Variants in TECPR1 observed in about 807,000 individuals in gnomAD.
The protein encoded by TECPR1 is tectonin beta-propeller repeat-containing protein 1.
TECPR1 carries 122 observed loss-of-function variants against 162.4 expected under a neutral mutation model. The observed-to-expected ratio is 0.75, with a 90% CI of 0.65 to 0.87. The LOEUF is 0.87. TECPR1 is among the 40% of genes least tolerant of loss of function. TECPR1 has a pLI of 0.00. For synonymous variants in TECPR1, 642 were observed against 670.6 expected (o/e 0.96, Z 0.66); for missense variants, 1,432 against 1,618.2 (o/e 0.88, Z 1.97).
chr7:98,231,743 C>T (rs1261203686), intron 13 of TECPR1, 61 bp downstream of exon 13: 1 of 1,575,636 alleles, frequency 6.3e-7, no homozygotes, highest in African/African-American at 1.4e-5. Flanking sequence ...TGTACCCCTC[C>T]TCTAGCACCC....
In TECPR1 at chr7:98,217,221, G is replaced by C. The variant is rs1798033175; in HGVS notation, c.*169C>G. 5.1e-6 allele frequency: 3 copies of C among 591,558 alleles called. No individual in the cohort carries two copies. The highest frequency in any genetic ancestry group is 9.0e-6 in the Non-Finnish European group (3 of 333,072). The allele number at this position is 591,558 out of a possible 1,614,324, so 36.6% of individuals were successfully genotyped here. A position where few individuals can be genotyped will look rare whatever the true frequency, so the allele number is the denominator to read the frequency against. ...AGTGTCCGCGGAGCTTCACATTTCAGGGCCGTCTCAGCCAGTGCCTCTGAA... is the reference window on the plus strand; with the variant it reads ...AGTGTCCGCGGAGCTTCACATTTCACGGCCGTCTCAGCCAGTGCCTCTGAA... On this transcript the variant is annotated 3_prime_UTR_variant, in exon 26 of 26. Coordinates refer to ENST00000447648, the MANE Select transcript of TECPR1 (RefSeq NM_015395.3).
chr7:98,241,126 G>A lies in TECPR1; in HGVS notation c.776C>T (p.Thr259Ile). 1.2e-6 allele frequency: 2 copies of A among 1,612,428 alleles called. No homozygotes were observed. Among genetic ancestry groups the A allele is most frequent in the Non-Finnish European group, 1.7e-6 (2 of 1,179,596 alleles). ...GACCAGGGCCTGTCCCTCCCAGAGTGTGGCCCACAGGAGGTCGTGGGGCCC... is the reference window on the plus strand; with the variant it reads ...GACCAGGGCCTGTCCCTCCCAGAGTATGGCCCACAGGAGGTCGTGGGGCCC... The part of the protein sequence containing the change: ...SCGPHDLLWA[T>I]LWEGQALVRE... The change falls in exon 7 of 26, where the codon ACA (threonine) becomes ATA (isoleucine). Residue 259 changes from threonine (T) to isoleucine (I), a missense_variant. By Grantham distance (89) the Thr-to-Ile change is moderately conservative. Coordinates refer to ENST00000447648, the MANE Select transcript of TECPR1 (RefSeq NM_015395.3). This position sits in a 1 kb window ranked among gnomAD's most constrained non-coding sequence, Gnocchi z 5.0.
chr7:98,249,688 GCCTGTAAT>G, intron 2 of TECPR1, among the ~76,000 whole-genome samples: 1 of 152,294 alleles, frequency 6.6e-6, no homozygotes, highest in Middle Eastern at 3.4e-3. Context: ...GGTGGCTCAT[GCCTGTAAT>G]CCCAACACTT....
At chr7:98,234,962 C>T (rs1798555036) in intron 10 of TECPR1, among the ~76,000 whole-genome samples, 1 of 152,174 alleles carries the variant, frequency 6.6e-6, no homozygotes, top group Admixed American at 6.5e-5. Flanking sequence ...GATCCACCCA[C>T]TTTGGCCTCC....
intron 15 of TECPR1, 109 bp from the exon 16 acceptor site, chr7:98,229,275 C>G: frequency 1.4e-6 from 2 of 1,410,108 alleles, no homozygotes; most frequent in Admixed American, 2.3e-5. Context: ...TTTTCCCAGC[C>G]CTCGGTCTCC....
At position 98,248,680 on chromosome 7, in the gene TECPR1, G is replaced by GA. The variant is rs72145133; in HGVS notation, c.-19-2516dup. On this transcript the variant is annotated intron_variant, in intron 2 of 25. Transcript: ENST00000447648. ...AGCATGGTGAGACTCCATCTTTACT[G>GA]AAAAAAAAAGGTGAAAATTAGCCAG... Among the ~76,000 whole-genome samples the GA allele has an allele frequency of 1.3e-4, 20 of 149,216 alleles. No homozygotes were observed. The East Asian group carries it at 1.4e-3, about 11-fold the overall frequency.
Position 98,241,268 on chromosome 7 carries a change from G to A in TECPR1, c.658-24C>T, listed in dbSNP as rs1461947527. ...ACCTGGGAGGCAAGACAGGGACACA[G>A]CACCTGCATCAACTCATTCACACCA... On this transcript the variant is annotated intron_variant, in intron 6 of 25. Coordinates refer to ENST00000447648, the MANE Select transcript of TECPR1 (RefSeq NM_015395.3). The surrounding 1 kb of genome is among the most constrained non-coding windows in gnomAD (Gnocchi z 5.0). 2 of 1,611,432 alleles carry A rather than the reference G, an allele frequency of 1.2e-6. No individual in the cohort carries two copies. Among genetic ancestry groups the A allele is most frequent in the Non-Finnish European group, 1.7e-6 (2 of 1,179,178 alleles).
chr7:98,222,280 G>A, intron 22 of TECPR1, 106 bp downstream of exon 22: 1 of 1,439,168 alleles, frequency 6.9e-7, no homozygotes, highest in Admixed American at 2.3e-5. Context: ...CCACTTCTGG[G>A]GGAAGTCCCA....
intron 2 of TECPR1, among the ~76,000 whole-genome samples, chr7:98,250,311 G>A (rs566647912): frequency 2.4e-4 from 36 of 151,876 alleles, no homozygotes; most frequent in Non-Finnish European, 4.9e-4. Context: ...TTTCTATAGT[G>A]TTAAATATAA....
chr7:98,251,257 C>T (rs1799056714), intron 2 of TECPR1, 137 bp downstream of exon 2: 1 of 152,134 alleles, frequency 6.6e-6, no homozygotes, highest in Admixed American at 6.6e-5. Context: ...TGCTCGCCAC[C>T]CTCAAAGCCA....
chr7:98,217,794 G>A lies in TECPR1; in HGVS notation c.3282C>T (p.Asn1094=), dbSNP rs1482087307. Reference sequence around the variant, plus strand: ...TCAGGCTGTGGCTGCCCTGCACTTTGTTGGCGATCACCCAGACCTGGAGCA... The same window carrying A: ...TCAGGCTGTGGCTGCCCTGCACTTTATTGGCGATCACCCAGACCTGGAGCA... The part of the protein sequence containing the change: ...GPLDQVWVIA[N]KVQGSHSLSR... The change falls in exon 25 of 26, where the codon AAC becomes AAT. Residue 1094 remains asparagine, a synonymous_variant. Coordinates refer to ENST00000447648, the MANE Select transcript of TECPR1 (RefSeq NM_015395.3). 6.4e-7 allele frequency: 1 copy of A among 1,550,896 alleles called. No individual in the cohort carries two copies. Among genetic ancestry groups the A allele is most frequent in the Admixed American group, 2.0e-5 (1 of 51,010 alleles).
intron 2 of TECPR1, among the ~76,000 whole-genome samples, chr7:98,247,228 G>A (rs760510366): frequency 1.4e-4 from 21 of 151,944 alleles, no homozygotes; most frequent in Admixed American, 1.1e-3. Context: ...TTGCGGCCTC[G>A]AACTCCTGGG....
chr7:98,235,827 C>CAA (rs765569294), intron 10 of TECPR1, among the ~76,000 whole-genome samples: 1 of 36,694 alleles, frequency 2.7e-5, no homozygotes, highest in African/African-American at 6.8e-5. Flanking sequence ...GAGACTGTCT[C>CAA]AAAAAAAAAA....
At position 98,235,849 on chromosome 7, in the gene TECPR1, A is replaced by AAAAAAAACAAC; in HGVS notation, c.1181+926_1181+927insGTTGTTTTTTT. Among the ~76,000 whole-genome samples, 16 of 110,328 alleles carry AAAAAAAACAAC rather than the reference A, an allele frequency of 1.5e-4. 2 individuals are homozygous for AAAAAAAACAAC. The highest frequency in any genetic ancestry group is 4.6e-4 in the East Asian group (2 of 4,394). 72.4% of individuals were successfully genotyped at this position (110,328 alleles called of 152,430 possible). A position where few individuals can be genotyped will look rare whatever the true frequency, so the allele number is the denominator to read the frequency against. ...TCTCAAAAAAAAAAAAAAAAAAAAA[A>AAAAAAAACAAC]AACACCATCTGAGCAGACTAAACCC... On this transcript the variant is annotated intron_variant, in intron 10 of 25. Coordinates refer to ENST00000447648, the MANE Select transcript of TECPR1 (RefSeq NM_015395.3).
intron 15 of TECPR1, among the ~76,000 whole-genome samples, chr7:98,230,176 CT>C (rs879558249): frequency 1.2e-3 from 168 of 144,926 alleles, no homozygotes; most frequent in Non-Finnish European, 1.4e-3. Flanking sequence ...TTTTTGGTTT[CT>C]TTTTTTTTTT....
At position 98,230,987 on chromosome 7, in the gene TECPR1, G is replaced by A. The variant is rs115819213; in HGVS notation, c.2256C>T (p.His752=). The change falls in exon 15 of 26, where the codon CAC becomes CAT. Residue 752 remains histidine (H), a synonymous_variant. Transcript: ENST00000447648. ...TCTGGTCGCAGGGCAGGGGGTGCTC[G>A]TGGGCCTCCAGGTCTGGGCTGGGCT... ...VSEPSPDLEA[H]EHPLPCDQMF... The A allele has an allele frequency of 1.7e-3, 2,783 of 1,612,344 alleles. 19 individuals carry two copies. The highest frequency in any genetic ancestry group is 0.012 in the African/African-American group (874 of 75,004).
At position 98,232,461 on chromosome 7, in the gene TECPR1, C is replaced by A. The variant is rs1798469513; in HGVS notation, c.1818+366G>T. 6.6e-6 allele frequency among the ~76,000 whole-genome samples: 1 copy of A among 151,934 alleles called. No homozygotes were observed. The highest frequency in any genetic ancestry group is 2.4e-5 in the African/African-American group (1 of 41,364). ...CCCAGGGGTGGGGTCTCCGGCCGCC[C>A]TCTGTGCTAACTCCTTGCAATCACA... On this transcript the variant is annotated intron_variant, in intron 12 of 25. Coordinates refer to ENST00000447648, the MANE Select transcript of TECPR1 (RefSeq NM_015395.3). This position sits in a 1 kb window ranked among gnomAD's most constrained non-coding sequence, Gnocchi z 4.6.
rs1293284315 is a variant in TECPR1, at chr7:98,238,417, C to G, written c.1035+92G>C. On this transcript the variant is annotated intron_variant, in intron 9 of 25. Coordinates refer to ENST00000447648, the MANE Select transcript of TECPR1 (RefSeq NM_015395.3). ...TACAATGGAGTGGGGGGCTCTCCTACAGTGGGAAGCGGCCACTAGGCTATT... is the reference window on the plus strand; with the variant it reads ...TACAATGGAGTGGGGGGCTCTCCTAGAGTGGGAAGCGGCCACTAGGCTATT... 1.7e-5 allele frequency: 18 copies of G among 1,039,974 alleles called. No homozygotes were observed. The Admixed American group carries it at 3.6e-4, about 21-fold the overall frequency. The allele number at this position is 1,039,974 out of a possible 1,614,324, so 64.4% of individuals were successfully genotyped here.
At chr7:98,223,431 T>C (rs1584325040) in intron 20 of TECPR1, among the ~76,000 whole-genome samples, 2 of 151,606 alleles carry the variant, frequency 1.3e-5, no homozygotes, top group African/African-American at 2.4e-5. Flanking sequence ...TATTTGTTCA[T>C]GAAAACAAAC....
Sources: gnomAD v4.1 joint callset for allele counts (sites outside exome capture counted in the v4.1 genomes callset) on GRCh38, gnomAD v4.1.1 for gene constraint, Gnocchi (gnomAD v3.1) non-coding constraint, MANE v1.5 for transcripts, NCBI Gene and HGNC (gene_info 2026-07-23, HGNC 2026-07-21) for gene names.